Variants in ANKH observed in about 807,000 individuals in gnomAD.
ANKH encodes mineralization regulator ANKH.
In ANKH, 15 loss-of-function variants were observed where a neutral mutation model predicts 49.0. The observed-to-expected ratio is 0.31, with a 90% CI of 0.20 to 0.47. The LOEUF (loss-of-function observed/expected upper bound fraction) is 0.47, where lower values mean the gene tolerates loss of function less well. ANKH is among the 20% of genes least tolerant of loss of function. The pLI is 1.00. For synonymous variants in ANKH, 273 were observed against 260.0 expected, an observed-to-expected ratio of 1.05 and a Z score of -0.48; for missense variants, 429 against 652.0, an observed-to-expected ratio of 0.66 and a Z score of 3.72.
At chr5:14,829,004 G>C (rs745343027) in intron 1 of ANKH, among the ~76,000 whole-genome samples, 1 of 151,992 alleles carries the variant, frequency 6.6e-6, no homozygotes, top group Non-Finnish European at 1.5e-5. Context: ...GGCCAACATG[G>C]TGAAACTCGT....
At chr5:14,726,653 G>C (rs1028431856) in intron 8 of ANKH, among the ~76,000 whole-genome samples, 2 of 152,172 alleles carry the variant, frequency 1.3e-5, no homozygotes, top group African/African-American at 4.8e-5. Context: ...GGCCTCTCTA[G>C]GAGTGTTCCT....
intron 1 of ANKH, among the ~76,000 whole-genome samples, chr5:14,817,994 G>A (rs1481788464): frequency 6.7e-6 from 1 of 149,228 alleles, no homozygotes; most frequent in Non-Finnish European, 1.5e-5. Flanking sequence ...AACCGGGGAG[G>A]TGGAGATTGC....
chr5:14,809,938 C>T (rs1234796738), intron 1 of ANKH, among the ~76,000 whole-genome samples: 1 of 152,038 alleles, frequency 6.6e-6, no homozygotes, highest in Non-Finnish European at 1.5e-5. Flanking sequence ...AAGGAGCCTA[C>T]ACAGGAAGTT....
At chr5:14,772,003 G>A (rs924833558) in intron 1 of ANKH, among the ~76,000 whole-genome samples, 1 of 150,934 alleles carries the variant, frequency 6.6e-6, no homozygotes, top group Non-Finnish European at 1.5e-5. Flanking sequence ...GTCATTGATT[G>A]TAAGATGTAT....
At chr5:14,766,162 T>G (rs1178638546) in intron 2 of ANKH, among the ~76,000 whole-genome samples, 1 of 151,866 alleles carries the variant, frequency 6.6e-6, no homozygotes, top group Non-Finnish European at 1.5e-5. Context: ...GAGGCTCAGG[T>G]AGGCAGATCG....
intron 2 of ANKH, among the ~76,000 whole-genome samples, chr5:14,759,543 A>G (rs1260873852): frequency 6.6e-6 from 1 of 152,000 alleles, no homozygotes; most frequent in African/African-American, 2.4e-5. Flanking sequence ...TTAGCCTAAG[A>G]GTTTGAGACT....
chr5:14,716,901 G>C (rs1737487413), intron 8 of ANKH, 66 bp from the exon 9 acceptor site: 1 of 1,591,446 alleles, frequency 6.3e-7, no homozygotes, highest in African/African-American at 1.3e-5. Context: ...GAGCAGATCA[G>C]GTGTGGCACA....
At chr5:14,831,277 T>C (rs1741498821) in intron 1 of ANKH, among the ~76,000 whole-genome samples, 1 of 152,150 alleles carries the variant, frequency 6.6e-6, no homozygotes, top group South Asian at 2.1e-4. Flanking sequence ...GAATTCTATA[T>C]ATATCCCATC....
chr5:14,742,830 G>A (rs956671571), intron 7 of ANKH, among the ~76,000 whole-genome samples: 13 of 152,242 alleles, frequency 8.5e-5, no homozygotes, highest in Non-Finnish European at 4.4e-5. Context: ...AAAGGCGCCT[G>A]CCGAGGCTCT....
chr5:14,736,816 C>T (rs1209504112), intron 8 of ANKH, among the ~76,000 whole-genome samples: 1 of 152,212 alleles, frequency 6.6e-6, no homozygotes, highest in East Asian at 1.9e-4. Flanking sequence ...CAAGATCCAT[C>T]TGGAGAGATC....
chr5:14,749,572 C>T (rs568969590), intron 5 of ANKH, among the ~76,000 whole-genome samples: 1 of 152,330 alleles, frequency 6.6e-6, no homozygotes, highest in Admixed American at 6.5e-5. Flanking sequence ...CACTCTTTTC[C>T]ATACTGAGAC....
intron 8 of ANKH, among the ~76,000 whole-genome samples, chr5:14,729,363 T>A (rs1472764520): frequency 3.3e-5 from 5 of 151,566 alleles, no homozygotes; most frequent in Non-Finnish European, 7.4e-5. Flanking sequence ...ACTTTTTTTT[T>A]ATTTAGTAGA....
chr5:14,776,068 A>T (rs1739610814), intron 1 of ANKH, among the ~76,000 whole-genome samples: 1 of 152,198 alleles, frequency 6.6e-6, no homozygotes, highest in African/African-American at 2.4e-5. Flanking sequence ...CGCCTGGCTC[A>T]TGCTTCCCAC....
intron 1 of ANKH, among the ~76,000 whole-genome samples, chr5:14,799,852 T>G (rs1269310021): frequency 6.6e-6 from 1 of 152,196 alleles, no homozygotes. Context: ...AGGAGTAATT[T>G]CTACTTTCAA....
intron 1 of ANKH, among the ~76,000 whole-genome samples, chr5:14,853,231 T>C (rs928758648): frequency 2.6e-5 from 4 of 152,350 alleles, no homozygotes; most frequent in African/African-American, 7.2e-5. Context: ...AAGAGTATAG[T>C]TGTCTACTCC....
At chr5:14,870,648 A>G (rs965043455) in intron 1 of ANKH, 1 of 156,290 alleles carries the variant, frequency 6.4e-6, no homozygotes, top group Non-Finnish European at 1.4e-5. Flanking sequence ...ATCGCTGGAG[A>G]GCTTGCAGCG....
intron 1 of ANKH, among the ~76,000 whole-genome samples, chr5:14,808,193 T>C (rs1012624519): frequency 3.3e-5 from 5 of 152,206 alleles, no homozygotes; most frequent in African/African-American, 1.2e-4. Flanking sequence ...CACTCAGCAA[T>C]AACTATCCAC....
chr5:14,829,812 A>G (rs1243570804), intron 1 of ANKH, among the ~76,000 whole-genome samples: 2 of 152,264 alleles, frequency 1.3e-5, no homozygotes, highest in Non-Finnish European at 2.9e-5. Flanking sequence ...GACATAAAAC[A>G]TGAATACCTT....
At chr5:14,714,453 G>C (rs1737366822) in intron 9 of ANKH, among the ~76,000 whole-genome samples, 1 of 152,250 alleles carries the variant, frequency 6.6e-6, no homozygotes, top group South Asian at 2.1e-4. Context: ...GCCTTGAAGA[G>C]AGGGCCTGTT....
Sources: allele counts gnomAD v4.1 joint callset (sites outside exome capture counted in the v4.1 genomes callset), GRCh38; gene constraint gnomAD v4.1.1; transcripts MANE v1.5; gene names NCBI Gene and HGNC (gene_info 2026-07-23, HGNC 2026-07-21).